ABCF3: variants seen among roughly 807,000 people sequenced by gnomAD.
The protein encoded by ABCF3 is ATP binding cassette subfamily F member 3.
Under a neutral mutation model 94.3 loss-of-function variants are expected in ABCF3, and 62 were observed. The observed-to-expected ratio is 0.66, with a 90% CI of 0.54 to 0.81. The LOEUF (loss-of-function observed/expected upper bound fraction) is 0.81. Among genes scored for constraint, ABCF3 ranks in the 40% least tolerant of loss-of-function variants. The pLI, the probability that ABCF3 is intolerant of heterozygous loss-of-function variation, is 0.00. For missense variants in ABCF3, 843 were observed against 925.3 expected, an observed-to-expected ratio of 0.91 and a Z score of 1.15; for synonymous variants, 355 against 361.1, an observed-to-expected ratio of 0.98 and a Z score of 0.19.
chr3:184,186,775 T>C (rs757121518), intron 2 of ABCF3, 21 bp from the exon 3 acceptor site: 28 of 1,610,586 alleles, frequency 1.7e-5, no homozygotes, highest in Non-Finnish European at 2.2e-5. Context: ...AACTCTGCGC[T>C]TTCTATCCCT....
Position 184,191,164 on chromosome 3 carries a change from A to G in ABCF3, c.1478A>G (p.Gln493Arg), listed in dbSNP as rs1280210191. 6.2e-7 allele frequency: 1 copy of G among 1,614,190 alleles called. No homozygotes were observed. Among genetic ancestry groups the G allele is most frequent in the African/African-American group, 1.3e-5 (1 of 75,036 alleles). ...GAGAAGTTCTCGCCGCCAATTCTGC[A>G]GCTAGATGAGGTGGATTTCTACTAC... Reference protein sequence around the residue: ...GFEKFSPPILQLDEVDFYYDP... With the variant: ...GFEKFSPPILRLDEVDFYYDP... The change falls in exon 16 of 21, where the codon CAG becomes CGG. Residue 493 changes from glutamine (Q) to arginine (R), a missense_variant. By Grantham distance (43) the Gln-to-Arg change is conservative. Transcript: ENST00000429586.
chr3:184,189,862 T>C lies in ABCF3; in HGVS notation c.1322T>C (p.Ile441Thr). 1 of 1,614,240 alleles carries C rather than the reference T, an allele frequency of 6.2e-7. No homozygotes were observed. Among genetic ancestry groups the C allele is most frequent in the Non-Finnish European group, 8.5e-7 (1 of 1,180,052 alleles). ...ACACTCCTCCACCTGCAGGTTTTCA[T>C]TGACCGGTTTCGCTACAATGCCAAC... ...QQYRQHIQVF[I>T]DRFRYNANRA... Residue 441 changes from isoleucine to threonine, a missense_variant, in exon 14 of 21, where the codon ATT (isoleucine) becomes ACT (threonine). Ile to Thr is a moderately conservative substitution (Grantham distance 89). Coordinates refer to ENST00000429586, the MANE Select transcript of ABCF3 (RefSeq NM_018358.3).
chr3:184,191,102 C>T (rs749485117), intron 15 of ABCF3, 21 bp from the exon 16 acceptor site: 5 of 1,614,100 alleles, frequency 3.1e-6, no homozygotes, highest in African/African-American at 2.7e-5. Context: ...GCCCCCACAT[C>T]CTCACCCCTA....
chr3:184,188,817 T>G lies in ABCF3; in HGVS notation c.893T>G (p.Ile298Ser). The G allele has an allele frequency of 6.2e-7, 1 of 1,613,946 alleles. No homozygotes were observed. Among genetic ancestry groups the G allele is most frequent in the Non-Finnish European group, 8.5e-7 (1 of 1,179,902 alleles). ...GAAATCTATGCCAAACTGGAGGAGA[T>G]TGAGGCTGACAAGGCACCTGCCAGG... The part of the protein sequence containing the change: ...LAEIYAKLEE[I>S]EADKAPARAS... The change falls in exon 8 of 21, where the codon ATT becomes AGT. Residue 298 changes from isoleucine to serine, a missense_variant. Transcript: ENST00000429586.
Position 184,190,994 on chromosome 3 carries a change from C to T in ABCF3, c.1392-5C>T. Reference sequence around the variant, plus strand: ...AAATCTAGTCTACCTCATCTCTTCTCCCAGGCCTGAGCTGAAGCCTGTGGA... The same window carrying T: ...AAATCTAGTCTACCTCATCTCTTCTTCCAGGCCTGAGCTGAAGCCTGTGGA... On this transcript the variant is annotated splice_polypyrimidine_tract_variant and splice_region_variant and intron_variant, in intron 14 of 20. Transcript: ENST00000429586. The T allele has an allele frequency of 6.2e-7, 1 of 1,614,018 alleles. No individual in the cohort carries two copies. Among genetic ancestry groups the T allele is most frequent in the Admixed American group, 1.7e-5 (1 of 60,004 alleles).
intron 3 of ABCF3, 200 bp from the exon 4 acceptor site, chr3:184,187,197 C>T (rs1393570827): frequency 5.7e-6 from 4 of 702,510 alleles, no homozygotes; most frequent in Non-Finnish European, 9.8e-6. Context: ...CTTGTCTATG[C>T]CTCTGTATCC....
chr3:184,186,619 G>A lies in ABCF3; in HGVS notation c.186G>A (p.Arg62=). Residue 62 remains arginine (R), a synonymous_variant, in exon 2 of 21, where the codon AGG becomes AGA. Coordinates refer to ENST00000429586, the MANE Select transcript of ABCF3 (RefSeq NM_018358.3). ...SGDSKDDAGI[R]AVCQRMYNTL... Reference sequence around the variant, plus strand: ...ACAGCAAGGATGACGCGGGCATCAGGGCCGTGTGCCAGCGCATGTACAACA... The same window carrying A: ...ACAGCAAGGATGACGCGGGCATCAGAGCCGTGTGCCAGCGCATGTACAACA... The A allele has an allele frequency of 1.2e-6, 2 of 1,613,300 alleles. No individual in the cohort carries two copies. The highest frequency in any genetic ancestry group is 2.2e-5 in the East Asian group (1 of 44,894).
At chr3:184,189,182 G>A (rs746961569) in intron 10 of ABCF3, 38 bp downstream of exon 10, 5 of 1,614,200 alleles carry the variant, frequency 3.1e-6, no homozygotes, top group Non-Finnish European at 4.2e-6. Flanking sequence ...CCCTATGGAA[G>A]ATTGGTCTTA....
At position 184,187,485 on chromosome 3, in the gene ABCF3, G is replaced by A. The variant is rs757480701; in HGVS notation, c.348+42G>A. Reference sequence around the variant, plus strand: ...AAGGGAGGGGACTGTCTGTGATGGGGTTGGGAGTTGACTGTCTAATTGGAG... The same window carrying A: ...AAGGGAGGGGACTGTCTGTGATGGGATTGGGAGTTGACTGTCTAATTGGAG... On this transcript the variant is annotated intron_variant, in intron 4 of 20. Coordinates refer to ENST00000429586, the MANE Select transcript of ABCF3 (RefSeq NM_018358.3). 1.3e-5 allele frequency: 21 copies of A among 1,594,156 alleles called. No individual in the cohort carries two copies. The African/African-American group carries it at 1.5e-4, about 11-fold the overall frequency.
In ABCF3 at chr3:184,187,693, C is replaced by T. The variant is rs762676637; in HGVS notation, c.378C>T (p.Ala126=). 25 of 1,614,002 alleles carry T rather than the reference C, an allele frequency of 1.5e-5. No individual in the cohort carries two copies. Among genetic ancestry groups the T allele is most frequent in the Admixed American group, 3.3e-5 (2 of 60,002 alleles). Residue 126 remains alanine (A), a synonymous_variant, in exon 5 of 21, where the codon GCC becomes GCT. Coordinates refer to ENST00000429586, the MANE Select transcript of ABCF3 (RefSeq NM_018358.3). ...TGAATGCAAAGAAGTTAGAGAAGGC[C>T]GAGGCTCGACTTAAGGCAAAGCAGG... ...STVNAKKLEK[A]EARLKAKQEK... is the part of the protein sequence containing the mutation.
chr3:184,192,770 T>A, intron 17 of ABCF3, 35 bp from the exon 18 acceptor site: 1 of 1,612,952 alleles, frequency 6.2e-7, no homozygotes, highest in Non-Finnish European at 8.5e-7. Flanking sequence ...GGCCATTGCC[T>A]TTGTCTGTTT....
At chr3:184,190,609 T>C (rs920273570) in intron 14 of ABCF3, 3 of 171,694 alleles carry the variant, frequency 1.7e-5, no homozygotes, top group Admixed American at 1.1e-4. Context: ...ATTGACTTTT[T>C]TTTTTTTAGT....
intron 16 of ABCF3, among the ~76,000 whole-genome samples, chr3:184,192,232 A>G (rs1577069912): frequency 6.6e-6 from 1 of 152,206 alleles, no homozygotes; most frequent in East Asian, 1.9e-4. Context: ...TGTAATGATC[A>G]AATCAGGGTA....
At chr3:184,187,510 G>A in intron 4 of ABCF3, 67 bp downstream of exon 4, 2 of 1,563,810 alleles carry the variant, frequency 1.3e-6, no homozygotes, top group Non-Finnish European at 1.8e-6. Context: ...TCTAATTGGA[G>A]TATCTTTTGG....
intron 15 of ABCF3, 26 bp from the exon 16 acceptor site, chr3:184,191,097 C>G (rs1485596575): frequency 1.2e-6 from 2 of 1,614,214 alleles, no homozygotes; most frequent in African/African-American, 2.7e-5. Flanking sequence ...CAGCTGCCCC[C>G]ACATCCTCAC....
At chr3:184,187,605 C>T (rs1715721196) in intron 4 of ABCF3, 59 bp from the exon 5 acceptor site, 2 of 1,595,836 alleles carry the variant, frequency 1.3e-6, no homozygotes, top group Admixed American at 3.3e-5. Flanking sequence ...GATGTTCTCT[C>T]TTGGGGTTCC....
Position 184,186,655 on chromosome 3 carries a change from G to T in ABCF3, c.221+1G>T. 1.2e-6 allele frequency: 2 copies of T among 1,606,498 alleles called. No homozygotes were observed. Among genetic ancestry groups the T allele is most frequent in the Non-Finnish European group, 8.5e-7 (1 of 1,175,586 alleles). On this transcript the variant is annotated splice_donor_variant, in intron 2 of 20. Coordinates refer to ENST00000429586, the MANE Select transcript of ABCF3 (RefSeq NM_018358.3). LOFTEE classifies it high-confidence loss of function. ...AGCGCATGTACAACACTCTGCGTCT[G>T]TATGTGCCAGGGAGTAGGGGTTGAT...
chr3:184,187,207 C>T, intron 3 of ABCF3, 190 bp from the exon 4 acceptor site: 1 of 724,716 alleles, frequency 1.4e-6, no homozygotes, highest in Non-Finnish European at 2.4e-6. Flanking sequence ...CCTCTGTATC[C>T]TTCTACGTGA....
At position 184,192,789 on chromosome 3, in the gene ABCF3, C is replaced by T. The variant is rs369496754; in HGVS notation, c.1659-16C>T. Reference sequence around the variant, plus strand: ...ATTGCCTTTGTCTGTTTTTCCACCTCGGCTTCTGCCTGCAGGAATCTGAAG... The same window carrying T: ...ATTGCCTTTGTCTGTTTTTCCACCTTGGCTTCTGCCTGCAGGAATCTGAAG... On this transcript the variant is annotated splice_polypyrimidine_tract_variant and intron_variant, in intron 17 of 20. Coordinates refer to ENST00000429586, the MANE Select transcript of ABCF3 (RefSeq NM_018358.3). The T allele has an allele frequency of 2.2e-5, 36 of 1,613,476 alleles. No homozygotes were observed. Among genetic ancestry groups the T allele is most frequent in the East Asian group, 4.5e-5 (2 of 44,878 alleles).
Sources: gnomAD v4.1 joint callset for allele counts (sites outside exome capture counted in the v4.1 genomes callset) on GRCh38, gnomAD v4.1.1 for gene constraint, MANE v1.5 for transcripts, NCBI Gene and HGNC (gene_info 2026-07-23, HGNC 2026-07-21) for gene names.